The following ABHD18 variants were observed in gnomAD, a reference collection of about 807,000 sequenced individuals.
ABHD18 encodes abhydrolase domain containing 18.
Under a neutral mutation model 65.9 loss-of-function variants are expected in ABHD18, and 55 were observed. The observed-to-expected ratio is 0.84, with a 90% CI of 0.67 to 1.05. The LOEUF is 1.05. Ranked by LOEUF, ABHD18 falls within the 50% of genes least tolerant of loss-of-function variation. ABHD18 has a pLI of 0.00. For synonymous variants in ABHD18, 181 were observed against 180.2 expected, an observed-to-expected ratio of 1.00 and a Z score of -0.04; for missense variants, 533 against 558.5, an observed-to-expected ratio of 0.95 and a Z score of 0.46.
At chr4:128,006,552 G>A (rs569911140) in intron 4 of ABHD18, among the ~76,000 whole-genome samples, 5 of 152,230 alleles carry the variant, frequency 3.3e-5, no homozygotes, top group Middle Eastern at 3.4e-3. Context: ...TTCTGTCCAC[G>A]CAAAGTTTTC....
chr4:128,019,386 AC>A (rs1486856260), intron 8 of ABHD18, among the ~76,000 whole-genome samples: 1 of 151,948 alleles, frequency 6.6e-6, no homozygotes, highest in African/African-American at 2.4e-5. Context: ...GACCATCCCA[AC>A]TGAAGTATAT....
chr4:127,978,078 A>G (rs1437191975), intron 1 of ABHD18, among the ~76,000 whole-genome samples: 1 of 152,154 alleles, frequency 6.6e-6, no homozygotes, highest in African/African-American at 2.4e-5. Context: ...AACTGAATAT[A>G]TATGGAAAAC....
intron 3 of ABHD18, among the ~76,000 whole-genome samples, chr4:127,988,804 G>A (rs1429686752): frequency 6.6e-6 from 1 of 152,148 alleles, no homozygotes; most frequent in East Asian, 1.9e-4. Context: ...GAGAAAAAGA[G>A]GAAACCTCGT....
rs1759052457 is a variant in ABHD18, at chr4:128,038,263, T to A, written c.*2450T>A. ...ACATGTTCAGATGAGAACCTTTAGT[T>A]TTAACCAAAAGTATAACATCTACTA... On this transcript the variant is annotated 3_prime_UTR_variant, in exon 13 of 13. Coordinates refer to ENST00000645843, the MANE Select transcript of ABHD18 (RefSeq NM_001358451.3). 2 of 152,344 alleles carry A rather than the reference T, an allele frequency of 1.3e-5. No homozygotes were observed. Among genetic ancestry groups the A allele is most frequent in the South Asian group, 4.1e-4 (2 of 4,830 alleles). 9.4% of individuals were successfully genotyped at this position (152,344 alleles called of 1,614,324 possible).
At chr4:127,968,892 G>T (rs114273898) in intron 1 of ABHD18, among the ~76,000 whole-genome samples, 2 of 152,022 alleles carry the variant, frequency 1.3e-5, no homozygotes, top group Non-Finnish European at 2.9e-5. Context: ...GGTGGCACTA[G>T]ATACCCTGGA....
At chr4:127,979,686 C>T (rs1026602844) in intron 1 of ABHD18, among the ~76,000 whole-genome samples, 1 of 152,044 alleles carries the variant, frequency 6.6e-6, no homozygotes, top group Non-Finnish European at 1.5e-5. Context: ...GAGGCCGAGG[C>T]GGGTGGATCA....
chr4:128,008,261 C>CTTTTTTT lies in ABHD18; in HGVS notation c.279-637_279-631dup, dbSNP rs1167728243. Reference sequence around the variant, plus strand: ...TGGGCAACAGAGTGAGACTCCGTTCCTTTTTTTTTTTTTTTTTTTTTTTTT... The same window carrying CTTTTTTT: ...TGGGCAACAGAGTGAGACTCCGTTCCTTTTTTTTTTTTTTTTTTTTTTTTTTTTTTTT... On this transcript the variant is annotated intron_variant, in intron 4 of 12. Transcript: ENST00000645843. 6.1e-5 allele frequency among the ~76,000 whole-genome samples: 6 copies of CTTTTTTT among 97,772 alleles called. 1 individual carries two copies. Among genetic ancestry groups the CTTTTTTT allele is most frequent in the Admixed American group, 1.1e-4 (1 of 8,940 alleles). 64.1% of individuals were successfully genotyped at this position (97,772 alleles called of 152,430 possible). A position where few individuals can be genotyped will look rare whatever the true frequency, so the allele number is the denominator to read the frequency against.
chr4:127,968,167 G>A (rs1318407509), intron 1 of ABHD18, among the ~76,000 whole-genome samples: 5 of 152,182 alleles, frequency 3.3e-5, no homozygotes, highest in Admixed American at 1.3e-4. Flanking sequence ...CCGAGATTGC[G>A]CCACTGCACT....
chr4:128,002,471 G>A (rs968341609), intron 4 of ABHD18, among the ~76,000 whole-genome samples: 1 of 151,124 alleles, frequency 6.6e-6, no homozygotes, highest in African/African-American at 2.4e-5. Context: ...GTAGAGACGG[G>A]GTTGTGCCAT....
Position 128,021,995 on chromosome 4 carries a change from C to T in ABHD18, c.801+757C>T, listed in dbSNP as rs145933487. On this transcript the variant is annotated intron_variant, in intron 10 of 12. Coordinates refer to ENST00000645843, the MANE Select transcript of ABHD18 (RefSeq NM_001358451.3). ...TGCCTTCCGATAGAAAACCAAACACCGCATGTTCTCACTCATAGGTGGGAA... is the reference window on the plus strand; with the variant it reads ...TGCCTTCCGATAGAAAACCAAACACTGCATGTTCTCACTCATAGGTGGGAA... Among the ~76,000 whole-genome samples the T allele has an allele frequency of 3.5e-4, 54 of 152,232 alleles. No homozygotes were observed. The East Asian group carries it at 5.4e-3, about 15-fold the overall frequency.
intron 7 of ABHD18, 110 bp downstream of exon 7, chr4:128,011,810 T>A: frequency 8.0e-6 from 2 of 248,894 alleles, no homozygotes; most frequent in Non-Finnish European, 1.5e-5. Context: ...CTAAATATTA[T>A]GGGGGGGGGG....
chr4:128,023,987 A>G (rs1383499635), intron 10 of ABHD18, among the ~76,000 whole-genome samples: 1 of 152,266 alleles, frequency 6.6e-6, no homozygotes, highest in Non-Finnish European at 1.5e-5. Flanking sequence ...TATGTTTTAA[A>G]GGAAGTTTAT....
intron 4 of ABHD18, among the ~76,000 whole-genome samples, chr4:127,995,412 T>C (rs1751580537): frequency 6.6e-6 from 1 of 152,230 alleles, no homozygotes. Flanking sequence ...AGATAATTCC[T>C]GTTCTGATTT....
chr4:128,022,813 GA>G (rs1235978154), intron 10 of ABHD18, among the ~76,000 whole-genome samples: 14 of 150,294 alleles, frequency 9.3e-5, no homozygotes, highest in Non-Finnish European at 1.9e-4. Context: ...GCCCAGGCTG[GA>G]GTGCAGTGGC....
At chr4:127,972,440 A>T (rs1259400097) in intron 1 of ABHD18, among the ~76,000 whole-genome samples, 1 of 151,938 alleles carries the variant, frequency 6.6e-6, no homozygotes, top group Non-Finnish European at 1.5e-5. Flanking sequence ...TGTTTAGCAT[A>T]ACAGACACTC....
In ABHD18 at chr4:127,989,993, G is replaced by A. The variant is rs77674680; in HGVS notation, c.278+172G>A. ...AAGAACATAAGGAGTATATGTACAA[G>A]GATATTCATTGAAGCATTGTTTATA... is the stretch of plus-strand genomic sequence containing the variant. On this transcript the variant is annotated intron_variant, in intron 4 of 12. Transcript: ENST00000645843. Among the ~76,000 whole-genome samples, 940 of 152,210 alleles carry A rather than the reference G, an allele frequency of 6.2e-3. 19 individuals carry two copies. The highest frequency in any genetic ancestry group is 0.021 in the African/African-American group (883 of 41,526).
intron 1 of ABHD18, among the ~76,000 whole-genome samples, chr4:127,966,630 G>A (rs1452724468): frequency 2.1e-5 from 3 of 144,388 alleles, no homozygotes; most frequent in South Asian, 2.2e-4. Context: ...AGGCCAAGGC[G>A]GGCGGATCAC....
At chr4:128,022,261 G>GA (rs1756627257) in intron 10 of ABHD18, among the ~76,000 whole-genome samples, 1 of 152,100 alleles carries the variant, frequency 6.6e-6, no homozygotes, top group Non-Finnish European at 1.5e-5. Flanking sequence ...CTGTAAAAAA[G>GA]AAAAAAGATA....
chr4:128,005,744 C>G (rs1296895643), intron 4 of ABHD18, among the ~76,000 whole-genome samples: 1 of 152,194 alleles, frequency 6.6e-6, no homozygotes, highest in African/African-American at 2.4e-5. Flanking sequence ...CTGAGGCGGA[C>G]CTCCTGTGTG....
Sources: gnomAD v4.1 joint callset for allele counts (sites outside exome capture counted in the v4.1 genomes callset) on GRCh38, gnomAD v4.1.1 for gene constraint, MANE v1.5 for transcripts, NCBI Gene and HGNC (gene_info 2026-07-23, HGNC 2026-07-21) for gene names.